The following USP7 variants were observed in gnomAD, a reference collection of about 807,000 sequenced individuals.
USP7 encodes the protein ubiquitin specific peptidase 7.
USP7 carries 9 observed loss-of-function variants against 162.9 expected under a neutral mutation model. The observed-to-expected ratio is 0.06, with a 90% CI of 0.03 to 0.10. The LOEUF (loss-of-function observed/expected upper bound fraction) is 0.10. Ranked by LOEUF, USP7 falls within the 10% of genes least tolerant of loss-of-function variation. The pLI, the probability that USP7 is intolerant of heterozygous loss-of-function variation, is 1.00. For missense variants in USP7, 715 were observed against 1,373.7 expected, an observed-to-expected ratio of 0.52 and a Z score of 7.58; for synonymous variants, 562 against 475.9, an observed-to-expected ratio of 1.18 and a Z score of -2.35.
intron 1 of USP7, among the ~76,000 whole-genome samples, chr16:8,937,221 A>G (rs899467126): frequency 6.6e-6 from 1 of 152,078 alleles, no homozygotes; most frequent in Non-Finnish European, 1.5e-5. Flanking sequence ...TTTAAAAAAA[A>G]AAGGATTAAC....
At chr16:8,929,763 T>C (rs1269988316) in intron 2 of USP7, among the ~76,000 whole-genome samples, 1 of 152,212 alleles carries the variant, frequency 6.6e-6, no homozygotes, top group African/African-American at 2.4e-5. Flanking sequence ...AAAATGTCCA[T>C]GCACATACAT....
chr16:8,948,694 G>A (rs1339795895), intron 1 of USP7, among the ~76,000 whole-genome samples: 1 of 152,198 alleles, frequency 6.6e-6, no homozygotes, highest in African/African-American at 2.4e-5. Context: ...GATGAACCTT[G>A]AGGATATTAA....
intron 1 of USP7, among the ~76,000 whole-genome samples, chr16:8,951,495 C>G (rs952370597): frequency 1.3e-5 from 2 of 152,108 alleles, no homozygotes. Flanking sequence ...CAGCCGGATT[C>G]ATGTGATGAG....
rs1176242143 is a variant in USP7, at chr16:8,920,492, A to G, written c.523-45T>C. 3 of 1,527,814 alleles carry G rather than the reference A, an allele frequency of 2.0e-6. No homozygotes were observed. In the East Asian group the frequency reaches 6.8e-5, roughly 34 times the overall value. 94.6% of individuals were successfully genotyped at this position (1,527,814 alleles called of 1,614,324 possible). On this transcript the variant is annotated intron_variant, in intron 4 of 30. Coordinates refer to ENST00000344836, the MANE Select transcript of USP7 (RefSeq NM_003470.3). The stretch of plus-strand genomic sequence containing the variant: ...ATATCCAGCTTGAATAAGAACACAC[A>G]TTTTATTCCCAAGAGACAAATTACA...
chr16:8,932,034 A>G (rs534664836), intron 1 of USP7, among the ~76,000 whole-genome samples: 1 of 152,274 alleles, frequency 6.6e-6, no homozygotes, highest in African/African-American at 2.4e-5. Flanking sequence ...AATCTGATTC[A>G]GCACCACGGA....
chr16:8,898,156 G>A (rs1443127242), intron 25 of USP7, among the ~76,000 whole-genome samples: 1 of 152,124 alleles, frequency 6.6e-6, no homozygotes, highest in East Asian at 1.9e-4. Context: ...TGGTTCCTTA[G>A]CTCCACATGT....
chr16:8,914,641 T>C (rs1422347367), intron 10 of USP7, among the ~76,000 whole-genome samples: 1 of 152,216 alleles, frequency 6.6e-6, no homozygotes, highest in Admixed American at 6.5e-5. Context: ...AGACACAGGC[T>C]GGACATGGCA....
At chr16:8,939,298 A>G (rs1288970309) in intron 1 of USP7, among the ~76,000 whole-genome samples, 2 of 152,030 alleles carry the variant, frequency 1.3e-5, no homozygotes, top group South Asian at 4.2e-4. Context: ...GGCAACCCTC[A>G]TATGTTCTGC....
chr16:8,918,947 T>G, intron 6 of USP7, 84 bp downstream of exon 6: 4 of 1,361,698 alleles, frequency 2.9e-6, no homozygotes, highest in Non-Finnish European at 3.1e-6. Context: ...GGAGACGCCA[T>G]GTTTGTTGAG....
At chr16:8,932,350 G>C (rs1388866176) in intron 1 of USP7, among the ~76,000 whole-genome samples, 1 of 152,192 alleles carries the variant, frequency 6.6e-6, no homozygotes, top group Non-Finnish European at 1.5e-5. Flanking sequence ...AGAACTGCTT[G>C]AGCCCAGGAG....
At chr16:8,953,192 T>A (rs1401136949) in intron 1 of USP7, among the ~76,000 whole-genome samples, 1 of 151,876 alleles carries the variant, frequency 6.6e-6, no homozygotes, top group East Asian at 1.9e-4. Context: ...CACCTGAGGC[T>A]CCCCCTCCCC....
At chr16:8,955,176 T>C (rs1408589523) in intron 1 of USP7, among the ~76,000 whole-genome samples, 1 of 152,256 alleles carries the variant, frequency 6.6e-6, no homozygotes, top group Non-Finnish European at 1.5e-5. Context: ...TTACATTTGT[T>C]GTATTTAATA....
intron 2 of USP7, among the ~76,000 whole-genome samples, chr16:8,923,995 T>G (rs1377183536): frequency 1.3e-5 from 2 of 151,890 alleles, no homozygotes; most frequent in Non-Finnish European, 2.9e-5. Context: ...CTGGACACCC[T>G]AGGGGGAATA....
At chr16:8,927,146 C>A (rs371728349) in intron 2 of USP7, among the ~76,000 whole-genome samples, 6 of 152,024 alleles carry the variant, frequency 3.9e-5, no homozygotes, top group African/African-American at 1.4e-4. Context: ...CATAGTGAAA[C>A]CCCGGCTCTA....
intron 7 of USP7, among the ~76,000 whole-genome samples, 190 bp downstream of exon 7, chr16:8,916,836 A>G (rs975898342): frequency 6.6e-6 from 1 of 152,208 alleles, no homozygotes; most frequent in Non-Finnish European, 1.5e-5. Context: ...ATTCTACAAC[A>G]AAGTGTCTAT....
Position 8,906,538 on chromosome 16 carries a change from T to C in USP7, c.1316A>G (p.Lys439Arg). Reference sequence around the variant, plus strand: ...ATTTGCAGGGTCCTTAGGATCTGTTTTTTGCAAAAATTCATCAAGTGGTAA... The same window carrying C: ...ATTTGCAGGGTCCTTAGGATCTGTTCTTTGCAAAAATTCATCAAGTGGTAA... ...EQLPLDEFLQ[K>R]TDPKDPANYI... Residue 439 changes from lysine (K) to arginine (R), a missense_variant, in exon 13 of 31, where the codon AAA becomes AGA. Physicochemically the swap from Lys to Arg is conservative, Grantham distance 26. Transcript: ENST00000344836. 1.2e-6 allele frequency: 2 copies of C among 1,613,792 alleles called. No homozygotes were observed. Among genetic ancestry groups the C allele is most frequent in the Non-Finnish European group, 1.7e-6 (2 of 1,180,018 alleles).
intron 4 of USP7, among the ~76,000 whole-genome samples, chr16:8,920,755 A>G (rs1442320862): frequency 6.6e-6 from 1 of 152,184 alleles, no homozygotes; most frequent in African/African-American, 2.4e-5. Flanking sequence ...ATGATAAGTG[A>G]CTTAGCATAG....
intron 1 of USP7, among the ~76,000 whole-genome samples, chr16:8,952,922 C>T (rs1246222972): frequency 1.3e-5 from 2 of 152,122 alleles, no homozygotes; most frequent in Middle Eastern, 3.4e-3. Context: ...CTGCAACCTC[C>T]GCTTCCTGGG....
intron 11 of USP7, 84 bp from the exon 12 acceptor site, chr16:8,908,534 T>C (rs1186854441): frequency 1.7e-6 from 2 of 1,193,202 alleles, no homozygotes; most frequent in East Asian, 4.8e-5. Flanking sequence ...TCAGCAAGAT[T>C]GGAACATGTC....
Sources: gnomAD v4.1 joint callset for allele counts (sites outside exome capture counted in the v4.1 genomes callset) on GRCh38, gnomAD v4.1.1 for gene constraint, MANE v1.5 for transcripts, NCBI Gene and HGNC (gene_info 2026-07-23, HGNC 2026-07-21) for gene names.